UMAD1: variants seen among roughly 807,000 people sequenced by gnomAD.
UMAD1 encodes UBAP1-MVB12-associated (UMA)-domain containing protein 1.
Under a neutral mutation model 6.1 loss-of-function variants are expected in UMAD1, and 8 were observed. That is an observed-to-expected ratio of 1.30 (90% confidence interval 0.76 to 2.35). UMAD1 has a LOEUF of 2.35. UMAD1 is among the 30% of genes most tolerant of loss of function. The probability of loss-of-function intolerance (pLI) is 0.00; values close to 1 mark genes in which losing one functional copy is unlikely to be tolerated. For synonymous variants in UMAD1, 56 were observed against 31.4 expected, an observed-to-expected ratio of 1.78 and a Z score of -2.61; for missense variants, 130 against 78.4, an observed-to-expected ratio of 1.66 and a Z score of -2.49.
At chr7:7,846,669 G>T (rs577402750) in intron 3 of UMAD1, among the ~76,000 whole-genome samples, 16 of 152,084 alleles carry the variant, frequency 1.1e-4, no homozygotes, top group African/African-American at 3.9e-4. Context: ...TTTAAAACTT[G>T]ATGTGTACTG....
At chr7:7,860,508 C>T (rs1397466914) in intron 3 of UMAD1, among the ~76,000 whole-genome samples, 5 of 150,716 alleles carry the variant, frequency 3.3e-5, no homozygotes, top group Non-Finnish European at 7.4e-5. Flanking sequence ...TGCTTGTAAT[C>T]TCAGCACTTT....
intron 3 of UMAD1, among the ~76,000 whole-genome samples, chr7:7,811,848 G>A (rs552543984): frequency 6.6e-6 from 1 of 152,026 alleles, no homozygotes; most frequent in South Asian, 2.1e-4. Context: ...AAGAGTGTTT[G>A]TCTTGGGAAA....
At chr7:7,714,189 T>G (rs2115173725) in intron 2 of UMAD1, among the ~76,000 whole-genome samples, 1 of 152,378 alleles carries the variant, frequency 6.6e-6, no homozygotes, top group South Asian at 2.1e-4. Context: ...TGGCCTTTTC[T>G]CAAAGAAAAG....
At chr7:7,806,752 A>G (rs1782924905) in intron 3 of UMAD1, among the ~76,000 whole-genome samples, 2 of 152,170 alleles carry the variant, frequency 1.3e-5, no homozygotes, top group Non-Finnish European at 2.9e-5. Flanking sequence ...AAATATATAT[A>G]TACATCTGAT....
intron 2 of UMAD1, among the ~76,000 whole-genome samples, chr7:7,782,681 G>A (rs138344428): frequency 1.3e-5 from 2 of 150,512 alleles, no homozygotes; most frequent in Non-Finnish European, 2.9e-5. Context: ...GTTATTGACC[G>A]TCTGTGCCTA....
At chr7:7,763,964 G>A (rs1347708545) in intron 2 of UMAD1, among the ~76,000 whole-genome samples, 2 of 152,166 alleles carry the variant, frequency 1.3e-5, no homozygotes, top group Non-Finnish European at 2.9e-5. Flanking sequence ...ATCTCAAATA[G>A]CAGTAGAAAA....
intron 3 of UMAD1, among the ~76,000 whole-genome samples, chr7:7,819,643 G>C (rs868418564): frequency 2.6e-5 from 4 of 152,190 alleles, no homozygotes; most frequent in Non-Finnish European, 4.4e-5. Context: ...AACAAAAATA[G>C]TTTTAGTTTT....
At chr7:7,683,422 C>T (rs1398405334) in intron 2 of UMAD1, among the ~76,000 whole-genome samples, 1 of 152,036 alleles carries the variant, frequency 6.6e-6, no homozygotes, top group Non-Finnish European at 1.5e-5. Context: ...TGTATGTCAT[C>T]AAATAATGTG....
chr7:7,681,169 C>A (rs1199377955), intron 2 of UMAD1, among the ~76,000 whole-genome samples: 2 of 152,016 alleles, frequency 1.3e-5, no homozygotes, highest in Non-Finnish European at 2.9e-5. Flanking sequence ...CCTTATGTGG[C>A]CTTTATAACC....
intron 2 of UMAD1, among the ~76,000 whole-genome samples, chr7:7,700,807 G>C (rs909551027): frequency 1.1e-4 from 17 of 152,148 alleles, no homozygotes; most frequent in African/African-American, 4.1e-4. Context: ...AGAATCACTT[G>C]AGCCCAGGAA....
Position 7,783,109 on chromosome 7 carries a change from A to G in UMAD1, c.83-18561A>G, listed in dbSNP as rs953431779. On this transcript the variant is annotated intron_variant, in intron 2 of 3. Transcript: ENST00000682710. ...TAGAGATTAACTGTCTTCTTTTGAG[A>G]TGGTGGTTTTGCTGATTTTTAGGAA... 4.6e-5 allele frequency among the ~76,000 whole-genome samples: 7 copies of G among 152,122 alleles called. No homozygotes were observed. The East Asian group carries it at 7.7e-4, about 17-fold the overall frequency.
At chr7:7,750,060 A>G (rs1372194564) in intron 2 of UMAD1, among the ~76,000 whole-genome samples, 2 of 152,192 alleles carry the variant, frequency 1.3e-5, no homozygotes, top group Non-Finnish European at 2.9e-5. Context: ...GCAGTGGTCT[A>G]TAATGTAAGG....
intron 2 of UMAD1, among the ~76,000 whole-genome samples, chr7:7,729,969 A>C (rs1385694528): frequency 1.3e-5 from 2 of 152,134 alleles, no homozygotes; most frequent in Admixed American, 6.5e-5. Context: ...CCCAGTCTGG[A>C]GCCTATGGTC....
chr7:7,799,167 C>T (rs556971531), intron 2 of UMAD1, among the ~76,000 whole-genome samples: 1 of 152,114 alleles, frequency 6.6e-6, no homozygotes, highest in South Asian at 2.1e-4. Flanking sequence ...AATAATTCTT[C>T]AAGGGGTGGA....
intron 2 of UMAD1, among the ~76,000 whole-genome samples, chr7:7,775,124 C>A (rs1459793483): frequency 6.6e-6 from 1 of 152,220 alleles, no homozygotes; most frequent in Non-Finnish European, 1.5e-5. Context: ...CTCATTCTTT[C>A]TTCACCATTC....
intron 3 of UMAD1, among the ~76,000 whole-genome samples, chr7:7,843,371 C>G (rs1043999641): frequency 1.3e-5 from 2 of 152,072 alleles, no homozygotes; most frequent in African/African-American, 4.8e-5. Context: ...GGTAGATTCT[C>G]CTGTGAAGAA....
At chr7:7,817,321 G>A (rs1783151058) in intron 3 of UMAD1, among the ~76,000 whole-genome samples, 1 of 152,150 alleles carries the variant, frequency 6.6e-6, no homozygotes, top group African/African-American at 2.4e-5. Context: ...CCCTGTGCGT[G>A]GCATGCATCA....
Position 7,700,105 on chromosome 7 carries a change from G to A in UMAD1, c.82+26652G>A, listed in dbSNP as rs73352717. Among the ~76,000 whole-genome samples, 173 of 152,248 alleles carry A rather than the reference G, an allele frequency of 1.1e-3. 1 individual carries two copies. The highest frequency in any genetic ancestry group is 4.1e-3 in the African/African-American group (171 of 41,542). On this transcript the variant is annotated intron_variant, in intron 2 of 3. Coordinates refer to ENST00000682710, the MANE Select transcript of UMAD1 (RefSeq NM_001302348.2). ...CTTTAACAAAGTGTCATAGATTGGT[G>A]GCTTGTAAACAATAGAAATGTATTT...
At chr7:7,838,361 G>A (rs561498135) in intron 3 of UMAD1, among the ~76,000 whole-genome samples, 14 of 152,086 alleles carry the variant, frequency 9.2e-5, no homozygotes, top group Non-Finnish European at 1.3e-4. Context: ...GAGTTAATAA[G>A]GTTGATATTG....
Sources: allele counts gnomAD v4.1 joint callset (sites outside exome capture counted in the v4.1 genomes callset), GRCh38; gene constraint gnomAD v4.1.1; transcripts MANE v1.5; gene names NCBI Gene and HGNC (gene_info 2026-07-23, HGNC 2026-07-21).